Variants in TRIM71 observed in about 807,000 individuals in gnomAD.
TRIM71 encodes the protein tripartite motif containing 71.
In TRIM71, 9 loss-of-function variants were observed where a neutral mutation model predicts 61.2. That is an observed-to-expected ratio of 0.15 (90% confidence interval 0.09 to 0.26). TRIM71 has a LOEUF of 0.26. TRIM71 is among the 10% of genes least tolerant of loss of function. TRIM71 has a pLI of 1.00. For synonymous variants in TRIM71, 645 were observed against 553.2 expected, an observed-to-expected ratio of 1.17 and a Z score of -2.33; for missense variants, 998 against 1,238.7, an observed-to-expected ratio of 0.81 and a Z score of 2.92.
At chr3:32,855,141 C>G (rs913129723) in intron 1 of TRIM71, among the ~76,000 whole-genome samples, 17 of 152,156 alleles carry the variant, frequency 1.1e-4, no homozygotes, top group African/African-American at 4.1e-4. Flanking sequence ...GGGTTTGGTA[C>G]TATCCGTGCT....
chr3:32,890,273 C>T lies in TRIM71; in HGVS notation c.1156-87C>T. ...CACAATATGTGTTTGTCTGATGCTT[C>T]CTTGTGATTAGTTGTGGCTTATGTG... is the stretch of plus-strand genomic sequence containing the variant. On this transcript the variant is annotated intron_variant, in intron 3 of 3. Coordinates refer to ENST00000383763, the MANE Select transcript of TRIM71 (RefSeq NM_001039111.3). The surrounding 1 kb of genome is among the most constrained non-coding windows in gnomAD (Gnocchi z 6.2). 6.7e-7 allele frequency: 1 copy of T among 1,489,688 alleles called. No individual in the cohort carries two copies. 92.3% of individuals were successfully genotyped at this position (1,489,688 alleles called of 1,614,324 possible).
chr3:32,818,000 C>T lies in TRIM71; in HGVS notation c.-81C>T. On this transcript the variant is annotated 5_prime_UTR_variant, in exon 1 of 4. Transcript: ENST00000383763. ...CATTTTTCTGAGTGAGTCGGTGACT[C>T]CCCCACCCACCTCGTCCGCTCTCTC... is the stretch of plus-strand genomic sequence containing the variant. The T allele has an allele frequency of 7.5e-7, 1 of 1,340,656 alleles. No homozygotes were observed. Among genetic ancestry groups the T allele is most frequent in the Non-Finnish European group, 1.0e-6 (1 of 954,338 alleles). 83.0% of individuals were successfully genotyped at this position (1,340,656 alleles called of 1,614,324 possible).
At chr3:32,845,274 G>A (rs1393179995) in intron 1 of TRIM71, among the ~76,000 whole-genome samples, 2 of 152,184 alleles carry the variant, frequency 1.3e-5, no homozygotes, top group Non-Finnish European at 2.9e-5. Flanking sequence ...CACTCCCAGG[G>A]TTAATTGGGT....
chr3:32,819,342 T>C (rs942992996), intron 1 of TRIM71, among the ~76,000 whole-genome samples: 8 of 152,180 alleles, frequency 5.3e-5, no homozygotes, highest in African/African-American at 1.7e-4. Flanking sequence ...TTTCAGATTT[T>C]TGTTTGGAAA....
intron 1 of TRIM71, among the ~76,000 whole-genome samples, chr3:32,858,991 T>C (rs1265589712): frequency 2.6e-5 from 4 of 152,098 alleles, no homozygotes; most frequent in Admixed American, 2.6e-4. Flanking sequence ...TCTGATGGGG[T>C]GGATGGTGAG....
In TRIM71 at chr3:32,890,925, G is replaced by A; in HGVS notation, c.1721G>A (p.Ser574Asn). 6.2e-7 allele frequency: 1 copy of A among 1,614,240 alleles called. No homozygotes were observed. Among genetic ancestry groups the A allele is most frequent in the Non-Finnish European group, 8.5e-7 (1 of 1,180,042 alleles). The change falls in exon 4 of 4, where the codon AGC becomes AAC. Residue 574 changes from serine to asparagine, a missense_variant. Coordinates refer to ENST00000383763, the MANE Select transcript of TRIM71 (RefSeq NM_001039111.3). The surrounding 1 kb of genome is among the most constrained non-coding windows in gnomAD (Gnocchi z 6.2). The part of the protein sequence containing the change: ...VTLCNQHIEN[S>N]PFKVVVKSGR... ...CTGTGCAACCAGCACATTGAGAACA[G>A]CCCTTTCAAGGTGGTGGTCAAGTCA...
chr3:32,854,713 T>C (rs1304135884), intron 1 of TRIM71, among the ~76,000 whole-genome samples: 1 of 152,252 alleles, frequency 6.6e-6, no homozygotes, highest in Admixed American at 6.5e-5. Context: ...TATCATTTTC[T>C]GGCCACAGTT....
intron 1 of TRIM71, among the ~76,000 whole-genome samples, chr3:32,821,038 C>CTA (rs1477398949): frequency 6.6e-6 from 1 of 152,170 alleles, no homozygotes; most frequent in East Asian, 1.9e-4. Flanking sequence ...GAGTAGAAGA[C>CTA]TAAAGTGTTA....
intron 1 of TRIM71, among the ~76,000 whole-genome samples, chr3:32,848,740 G>A (rs1559542136): frequency 6.6e-6 from 1 of 152,106 alleles, no homozygotes; most frequent in Admixed American, 6.6e-5. Context: ...ATGAAACCTG[G>A]GGCAGTGGCC....
intron 1 of TRIM71, among the ~76,000 whole-genome samples, chr3:32,826,871 T>G (rs1051676869): frequency 3.9e-5 from 6 of 152,120 alleles, no homozygotes; most frequent in African/African-American, 1.4e-4. Flanking sequence ...CACGCCATCC[T>G]CCTGCCTCAG....
intron 1 of TRIM71, among the ~76,000 whole-genome samples, chr3:32,853,338 C>T (rs35660505): frequency 0.2 from 30,015 of 151,940 alleles, 4,125 homozygotes; most frequent in East Asian, 0.62. Flanking sequence ...AGGATGGTCT[C>T]GATCTCCTGA....
chr3:32,848,540 A>C (rs1696500927), intron 1 of TRIM71, among the ~76,000 whole-genome samples: 1 of 152,128 alleles, frequency 6.6e-6, no homozygotes, highest in Admixed American at 6.5e-5. Flanking sequence ...ATTCTCTGCT[A>C]TCTCTTTATC....
chr3:32,842,908 A>C (rs1397617335), intron 1 of TRIM71, among the ~76,000 whole-genome samples: 3 of 152,024 alleles, frequency 2.0e-5, no homozygotes, highest in African/African-American at 7.2e-5. Context: ...CTCTGGCCTT[A>C]ATGGTCATAA....
At chr3:32,869,991 G>C (rs973907292) in intron 1 of TRIM71, among the ~76,000 whole-genome samples, 1 of 152,204 alleles carries the variant, frequency 6.6e-6, no homozygotes. Flanking sequence ...GGGAGCCGCT[G>C]TTCATGGCTA....
intron 1 of TRIM71, among the ~76,000 whole-genome samples, chr3:32,852,170 T>C (rs543721762): frequency 6.6e-6 from 1 of 152,154 alleles, no homozygotes; most frequent in East Asian, 1.9e-4. Flanking sequence ...GGGGTAGCCT[T>C]TTGGATTGTG....
intron 1 of TRIM71, among the ~76,000 whole-genome samples, chr3:32,838,560 A>C (rs1263692952): frequency 7.0e-6 from 1 of 143,624 alleles, no homozygotes; most frequent in Admixed American, 7.1e-5. Flanking sequence ...TTTTAGGGGC[A>C]TGCAGTGGAG....
At chr3:32,839,476 C>T (rs899439045) in intron 1 of TRIM71, among the ~76,000 whole-genome samples, 2 of 152,046 alleles carry the variant, frequency 1.3e-5, no homozygotes, top group African/African-American at 4.8e-5. Flanking sequence ...ATGATTCACC[C>T]GCCTTGGCCT....
chr3:32,858,241 G>A (rs1192933681), intron 1 of TRIM71, among the ~76,000 whole-genome samples: 1 of 152,122 alleles, frequency 6.6e-6, no homozygotes, highest in Non-Finnish European at 1.5e-5. Context: ...TCTAGCAGGG[G>A]TATATTTTCC....
chr3:32,822,889 G>T (rs1696157127), intron 1 of TRIM71, among the ~76,000 whole-genome samples: 1 of 152,048 alleles, frequency 6.6e-6, no homozygotes, highest in South Asian at 2.1e-4. Context: ...ACAAGAAATT[G>T]GCATTTTAAT....
Sources: gnomAD v4.1 joint callset for allele counts (sites outside exome capture counted in the v4.1 genomes callset) on GRCh38, gnomAD v4.1.1 for gene constraint, Gnocchi (gnomAD v3.1) non-coding constraint, MANE v1.5 for transcripts, NCBI Gene and HGNC (gene_info 2026-07-23, HGNC 2026-07-21) for gene names.